Variants in CD34 observed in about 807,000 individuals in gnomAD.
CD34 encodes the protein hematopoietic progenitor cell antigen CD34.
CD34 carries 34 observed loss-of-function variants against 40.1 expected under a neutral mutation model. That is an observed-to-expected ratio of 0.85 (90% CI 0.65 to 1.13). CD34 has a LOEUF of 1.13. Ranked by LOEUF, CD34 falls within the 50% of genes most tolerant of loss-of-function variation. The pLI is 0.00. For synonymous variants in CD34, 209 were observed against 190.0 expected, an observed-to-expected ratio of 1.10 and a Z score of -0.82; for missense variants, 426 against 466.9, an observed-to-expected ratio of 0.91 and a Z score of 0.81.
intron 6 of CD34, 77 bp from the exon 7 acceptor site, chr1:207,888,923 T>C: frequency 7.1e-7 from 1 of 1,415,938 alleles, no homozygotes; most frequent in South Asian, 1.2e-5. Context: ...CCTCTGTGTG[T>C]GACTCAACAG....
At chr1:207,910,169 A>G (rs1357061106) in intron 1 of CD34, among the ~76,000 whole-genome samples, 1 of 152,006 alleles carries the variant, frequency 6.6e-6, no homozygotes, top group African/African-American at 2.4e-5. Flanking sequence ...AAGAGTAAGG[A>G]TATGTGTAGG....
rs563278986 is a variant in CD34, at chr1:207,905,443, A to G, written c.80-5440T>C. On this transcript the variant is annotated intron_variant, in intron 1 of 7. Coordinates refer to ENST00000310833, the MANE Select transcript of CD34 (RefSeq NM_001025109.2). ...GAGCCACCGTGCGTGGCCGGCTTTTACATTTCTAAAAGTGTCGTAAGATAA... is the reference window on the plus strand; with the variant it reads ...GAGCCACCGTGCGTGGCCGGCTTTTGCATTTCTAAAAGTGTCGTAAGATAA... 2.6e-5 allele frequency among the ~76,000 whole-genome samples: 4 copies of G among 152,268 alleles called. No homozygotes were observed. The South Asian group carries it at 8.3e-4, about 31-fold the overall frequency.
chr1:207,902,467 C>T (rs1406712669), intron 1 of CD34, among the ~76,000 whole-genome samples: 1 of 152,166 alleles, frequency 6.6e-6, no homozygotes, highest in African/African-American at 2.4e-5. Flanking sequence ...TTAGATGGGA[C>T]CCTCTCACCA....
At position 207,887,559 on chromosome 1, in the gene CD34, G is replaced by A. The variant is rs1571765181; in HGVS notation, c.*179C>T. Reference sequence around the variant, plus strand: ...GCTCCAGGGAGCCGAATGTGTAAAGGACAGGAGTTTACCTGCCCCTCCTCA... The same window carrying A: ...GCTCCAGGGAGCCGAATGTGTAAAGAACAGGAGTTTACCTGCCCCTCCTCA... On this transcript the variant is annotated 3_prime_UTR_variant, in exon 8 of 8. Transcript: ENST00000310833. 1.2e-6 allele frequency: 1 copy of A among 807,386 alleles called. No homozygotes were observed. The highest frequency in any genetic ancestry group is 2.7e-5 in the East Asian group (1 of 37,050). 50.0% of individuals were successfully genotyped at this position (807,386 alleles called of 1,614,324 possible).
chr1:207,895,234 T>C (rs2259397), intron 4 of CD34, among the ~76,000 whole-genome samples: 76,232 of 151,990 alleles, frequency 0.5, 19,467 homozygotes, highest in African/African-American at 0.58. Context: ...AAGGTCATCT[T>C]GGACATAATC....
rs751704997 is a variant in CD34, at chr1:207,899,854, G to A, written c.229C>T (p.Gln77Ter). Residue 77 changes from glutamine to a stop codon, truncating the protein, a stop_gained, in exon 2 of 8, where the codon CAA (glutamine) becomes TAA (stop). Coordinates refer to ENST00000310833, the MANE Select transcript of CD34 (RefSeq NM_001025109.2). LOFTEE classifies it high-confidence loss of function. Reference sequence around the variant, plus strand: ...TTTGTTGTGGCCTCATTGCCATGTTGAGACACAGGGTGCAGGCTGGTACTT... The same window carrying A: ...TTTGTTGTGGCCTCATTGCCATGTTAAGACACAGGGTGCAGGCTGGTACTT... ...LGSTSLHPVS[Q>*]HGNEATTNIT... 2 of 1,612,890 alleles carry A rather than the reference G, an allele frequency of 1.2e-6. No individual in the cohort carries two copies. Among genetic ancestry groups the A allele is most frequent in the Non-Finnish European group, 1.7e-6 (2 of 1,179,536 alleles).
intron 1 of CD34, among the ~76,000 whole-genome samples, chr1:207,910,180 T>A (rs1432944774): frequency 6.6e-6 from 1 of 152,030 alleles, no homozygotes; most frequent in Non-Finnish European, 1.5e-5. Context: ...TATGTGTAGG[T>A]GAGTGGGGGC....
chr1:207,887,782 C>T lies in CD34; in HGVS notation c.1114G>A (p.Gly372Ser), dbSNP rs576352558. 1.1e-4 allele frequency: 181 copies of T among 1,614,128 alleles called. 4 individuals carry two copies. In the South Asian group the frequency reaches 1.7e-3, roughly 15 times the overall value. Residue 372 changes from glycine to serine, a missense_variant, in exon 8 of 8, where the codon GGC becomes AGC. Transcript: ENST00000310833. ...NGTGQATSRN[G>S]HSARQHVVAD... ...ACCACGTGTTGTCTTGCTGAATGGC[C>T]GTTTCTGGAGGTGGCCTGGCCGGTC...
At chr1:207,898,934 G>A in intron 3 of CD34, 39 bp downstream of exon 3, 1 of 1,609,080 alleles carries the variant, frequency 6.2e-7, no homozygotes, top group Non-Finnish European at 8.5e-7. Flanking sequence ...TACATATGAA[G>A]TGAGGGGCAA....
intron 4 of CD34, among the ~76,000 whole-genome samples, chr1:207,890,653 C>T (rs1024092156): frequency 5.3e-5 from 8 of 152,140 alleles, no homozygotes. Flanking sequence ...CAAGATTGGC[C>T]TCAGGACCCA....
rs1448580377 is a variant in CD34, at chr1:207,888,686, C to T, written c.968G>A (p.Arg323Lys). Reference protein sequence around the residue: ...NRRSWSPTGERLGEDPYYTEN... With the variant: ...NRRSWSPTGEKLGEDPYYTEN... Reference sequence around the variant, plus strand: ...ACCCTGGCCCCCAGAACTGACCAGCCTTTCTCCTGTGGGGCTCCAGCTGCG... The same window carrying T: ...ACCCTGGCCCCCAGAACTGACCAGCTTTTCTCCTGTGGGGCTCCAGCTGCG... The change falls in exon 7 of 8, where the codon AGG (arginine) becomes AAG (lysine). Residue 323 changes from arginine to lysine, a missense_variant. Arg to Lys is a conservative substitution (Grantham distance 26). Coordinates refer to ENST00000310833, the MANE Select transcript of CD34 (RefSeq NM_001025109.2). The T allele has an allele frequency of 3.1e-6, 5 of 1,614,048 alleles. No individual in the cohort carries two copies. The Admixed American group carries it at 8.3e-5, about 27-fold the overall frequency.
chr1:207,909,930 A>T (rs1276170880), intron 1 of CD34, among the ~76,000 whole-genome samples: 1 of 152,188 alleles, frequency 6.6e-6, no homozygotes, highest in Non-Finnish European at 1.5e-5. Flanking sequence ...AGTCCAGGTC[A>T]CTCTGCAGGG....
Position 207,899,009 on chromosome 1 carries a change from G to A in CD34, c.480C>T (p.Pro160=). ...STSLATSPTK[P]YTSSSPILSD... ...TTAGGATAGGAGAAGATGATGTATA[G>A]GGTTTAGTGGGAGATGTTGCAAGGC... The change falls in exon 3 of 8, where the codon CCC becomes CCT. Residue 160 remains proline (P), a synonymous_variant. Transcript: ENST00000310833. 6.2e-7 allele frequency: 1 copy of A among 1,614,204 alleles called. No individual in the cohort carries two copies. Among genetic ancestry groups the A allele is most frequent in the Non-Finnish European group, 8.5e-7 (1 of 1,180,016 alleles).
rs555612278 is a variant in CD34, at chr1:207,881,146, G to A, written c.*6592C>T. 2.0e-5 allele frequency: 3 copies of A among 152,292 alleles called. No individual in the cohort carries two copies. The South Asian group carries it at 6.2e-4, about 32-fold the overall frequency. 9.4% of individuals were successfully genotyped at this position (152,292 alleles called of 1,614,324 possible). A position where few individuals can be genotyped will look rare whatever the true frequency, so the allele number is the denominator to read the frequency against. ...CATGTACTTAGATGCTACTGAAATA[G>A]TAACATATCTAGAGCCGCGGTTCTC... On this transcript the variant is annotated 3_prime_UTR_variant, in exon 8 of 8. Transcript: ENST00000310833.
In CD34 at chr1:207,883,933, C is replaced by T. The variant is rs1454908723; in HGVS notation, c.*3805G>A. On this transcript the variant is annotated 3_prime_UTR_variant, in exon 8 of 8. Coordinates refer to ENST00000310833, the MANE Select transcript of CD34 (RefSeq NM_001025109.2). ...CCTCTATTCTCTACTCAGCAGCCAG[C>T]ATGATCCTTTTAAAACATAAAGCAG... 6.6e-6 allele frequency: 1 copy of T among 152,170 alleles called. No homozygotes were observed. The highest frequency in any genetic ancestry group is 1.5e-5 in the Non-Finnish European group (1 of 68,032). 9.4% of individuals were successfully genotyped at this position (152,170 alleles called of 1,614,324 possible). A position where few individuals can be genotyped will look rare whatever the true frequency, so the allele number is the denominator to read the frequency against.
At chr1:207,890,252 C>A (rs1023700758) in intron 4 of CD34, 16 of 994,628 alleles carry the variant, frequency 1.6e-5, no homozygotes, top group Non-Finnish European at 1.9e-5. Context: ...GCCATCAGAC[C>A]CAGGAATTTG....
chr1:207,893,106 G>GC (rs1472193984), intron 4 of CD34, among the ~76,000 whole-genome samples: 1 of 152,144 alleles, frequency 6.6e-6, no homozygotes. Context: ...GGGAGAGTGG[G>GC]CAGGAGGAAG....
chr1:207,887,810 G>A lies in CD34; in HGVS notation c.1086C>T (p.Asn362=), dbSNP rs768124315. 9.9e-6 allele frequency: 16 copies of A among 1,614,060 alleles called. No individual in the cohort carries two copies. Among genetic ancestry groups the A allele is most frequent in the East Asian group, 6.7e-5 (3 of 44,900 alleles). Residue 362 remains asparagine (N), a synonymous_variant, in exon 8 of 8, where the codon AAC becomes AAT. Transcript: ENST00000310833. The stretch of plus-strand genomic sequence containing the variant: ...TTCTGGAGGTGGCCTGGCCGGTCCC[G>A]TTTTCCTGAGCCCCTCGGTTCACAC... ...KASVNRGAQE[N]GTGQATSRNG... is the part of the protein sequence containing the mutation.
At chr1:207,899,313 A>C in intron 2 of CD34, 87 bp from the exon 3 acceptor site, 2 of 1,407,146 alleles carry the variant, frequency 1.4e-6, no homozygotes, top group Non-Finnish European at 2.0e-6. Context: ...CATGCACTTC[A>C]ACACAGAAAA....
Sources: gnomAD v4.1 joint callset for allele counts (sites outside exome capture counted in the v4.1 genomes callset) on GRCh38, gnomAD v4.1.1 for gene constraint, MANE v1.5 for transcripts, NCBI Gene and HGNC (gene_info 2026-07-23, HGNC 2026-07-21) for gene names.